The following ERBB4 variants were observed in gnomAD, a reference collection of about 807,000 sequenced individuals.
ERBB4 encodes the protein receptor tyrosine-protein kinase erbB-4.
In ERBB4, 42 loss-of-function variants were observed where a neutral mutation model predicts 158.0. The observed-to-expected ratio is 0.27, with a 90% CI of 0.21 to 0.34. The LOEUF (loss-of-function observed/expected upper bound fraction) is 0.34. Ranked by LOEUF, ERBB4 falls within the 10% of genes least tolerant of loss-of-function variation. ERBB4 has a pLI of 1.00. For synonymous variants in ERBB4, 583 were observed against 558.7 expected (o/e 1.04, Z -0.61); for missense variants, 1,333 against 1,624.1 (o/e 0.82, Z 3.08).
intron 1 of ERBB4, among the ~76,000 whole-genome samples, chr2:212,167,948 G>T (rs1575737078): frequency 6.6e-6 from 1 of 151,948 alleles, no homozygotes; most frequent in Admixed American, 6.6e-5. Context: ...GGGGTGTGGG[G>T]AATGAGGGGA....
chr2:212,298,965 TACTTTACATGATAATA>T (rs2086520939), intron 1 of ERBB4, among the ~76,000 whole-genome samples: 2 of 151,920 alleles, frequency 1.3e-5, no homozygotes, highest in South Asian at 4.1e-4. Context: ...CATTGTGAAA[TACTTTACATGATAATA>T]ATTATCATAA....
At chr2:211,771,050 A>G (rs1270721624) in intron 4 of ERBB4, among the ~76,000 whole-genome samples, 1 of 152,166 alleles carries the variant, frequency 6.6e-6, no homozygotes, top group Non-Finnish European at 1.5e-5. Flanking sequence ...TTTGCTAATC[A>G]TTTTACCATC....
intron 1 of ERBB4, among the ~76,000 whole-genome samples, chr2:212,453,529 T>C (rs1560368225): frequency 6.6e-6 from 1 of 152,210 alleles, no homozygotes. Flanking sequence ...TTTAAATATA[T>C]TGCATTGATA....
chr2:211,575,886 TTGTC>T (rs1241626141), intron 19 of ERBB4, among the ~76,000 whole-genome samples: 2 of 152,186 alleles, frequency 1.3e-5, no homozygotes, highest in South Asian at 2.1e-4. Flanking sequence ...TAGAAATCAT[TTGTC>T]TGTCATTCAC....
rs913457309 is a variant in ERBB4 at position 212,466,481 on chromosome 2, A to G, written c.82+71968T>C. On this transcript the variant is annotated intron_variant, in intron 1 of 27. Coordinates refer to ENST00000342788, the MANE Select transcript of ERBB4 (RefSeq NM_005235.3). Reference sequence around the variant, plus strand: ...GGGTCTTTCCTGTGCTGTTCTTATGATAGTGAATGGGTCTCATGAGATCTG... The same window carrying G: ...GGGTCTTTCCTGTGCTGTTCTTATGGTAGTGAATGGGTCTCATGAGATCTG... Among the ~76,000 whole-genome samples the G allele has an allele frequency of 2.0e-5, 3 of 152,208 alleles. No homozygotes were observed. In the South Asian group the frequency reaches 6.2e-4, roughly 32 times the overall value.
At chr2:211,805,511 T>C (rs1195286498) in intron 3 of ERBB4, among the ~76,000 whole-genome samples, 2 of 152,246 alleles carry the variant, frequency 1.3e-5, no homozygotes, top group Non-Finnish European at 2.9e-5. Flanking sequence ...ATTTTACCTA[T>C]GTATTACTTC....
chr2:211,438,826 C>G (rs2063911251), intron 20 of ERBB4, among the ~76,000 whole-genome samples: 1 of 152,102 alleles, frequency 6.6e-6, no homozygotes, highest in Non-Finnish European at 1.5e-5. Context: ...CAACTGCAGT[C>G]ATGATCTTCA....
chr2:211,525,184 A>T (rs905006210), intron 20 of ERBB4, among the ~76,000 whole-genome samples: 2 of 152,144 alleles, frequency 1.3e-5, no homozygotes, highest in African/African-American at 2.4e-5. Flanking sequence ...TCGGGGGCAC[A>T]TGACCTACTA....
intron 7 of ERBB4, among the ~76,000 whole-genome samples, chr2:211,714,730 A>G (rs531586109): frequency 6.6e-6 from 1 of 152,304 alleles, no homozygotes; most frequent in African/African-American, 2.4e-5. Context: ...TTATAGCCAG[A>G]ATTGCCTATC....
At chr2:212,057,425 T>C (rs369969540) in intron 2 of ERBB4, among the ~76,000 whole-genome samples, 3 of 152,124 alleles carry the variant, frequency 2.0e-5, no homozygotes, top group South Asian at 2.1e-4. Flanking sequence ...CTGCACCAAG[T>C]GGACCTAGTA....
chr2:211,744,450 A>G (rs1333225506), intron 5 of ERBB4, among the ~76,000 whole-genome samples: 2 of 152,068 alleles, frequency 1.3e-5, no homozygotes, highest in Non-Finnish European at 1.5e-5. Flanking sequence ...AAAAACAAAA[A>G]CCTTTTCTTC....
chr2:211,508,776 C>G (rs530113999), intron 20 of ERBB4, among the ~76,000 whole-genome samples: 12 of 152,088 alleles, frequency 7.9e-5, no homozygotes, highest in African/African-American at 2.9e-4. Context: ...CAGTGATAGA[C>G]TGGATAAAGA....
At chr2:211,876,354 T>G (rs1266151268) in intron 3 of ERBB4, among the ~76,000 whole-genome samples, 1 of 152,146 alleles carries the variant, frequency 6.6e-6, no homozygotes, top group African/African-American at 2.4e-5. Context: ...CCACATCCAC[T>G]TAAAGAATGG....
Position 212,323,818 on chromosome 2 carries a change from T to C in ERBB4, c.83-198915A>G, listed in dbSNP as rs1253341609. 3.8e-5 allele frequency among the ~76,000 whole-genome samples: 3 copies of C among 79,922 alleles called. 1 individual carries two copies. The highest frequency in any genetic ancestry group is 7.1e-5 in the Non-Finnish European group (2 of 28,082). The allele number at this position is 79,922 out of a possible 152,430, so 52.4% of individuals were successfully genotyped here. A position where few individuals can be genotyped will look rare whatever the true frequency, so the allele number is the denominator to read the frequency against. On this transcript the variant is annotated intron_variant, in intron 1 of 27. Transcript: ENST00000342788. ...CTTTCCCCAGAAAAATGAATATATA[T>C]GCAGATTGAAAACATTAATAAAATC...
chr2:211,524,173 A>T (rs1382858354), intron 20 of ERBB4, among the ~76,000 whole-genome samples: 1 of 152,086 alleles, frequency 6.6e-6, no homozygotes, highest in Non-Finnish European at 1.5e-5. Flanking sequence ...GCCCCACCAC[A>T]GTAGCTAGAT....
intron 2 of ERBB4, among the ~76,000 whole-genome samples, chr2:212,113,774 AT>A (rs1429745972): frequency 6.6e-6 from 1 of 151,978 alleles, no homozygotes; most frequent in Non-Finnish European, 1.5e-5. Flanking sequence ...AAGAGTGTAA[AT>A]ATATAAGCTA....
intron 1 of ERBB4, among the ~76,000 whole-genome samples, chr2:212,141,308 T>A (rs1336768835): frequency 2.0e-5 from 3 of 152,012 alleles, no homozygotes; most frequent in African/African-American, 7.2e-5. Context: ...TAGTACAATC[T>A]CAATGAGTAC....
chr2:212,180,321 A>G (rs1915743), intron 1 of ERBB4, among the ~76,000 whole-genome samples: 144,782 of 151,620 alleles, frequency 0.95, 69,176 homozygotes, highest in African/African-American at 0.97. Flanking sequence ...TTGGACAGAT[A>G]GCTGGTAAGT....
chr2:211,552,870 T>C (rs2067137946), intron 20 of ERBB4, among the ~76,000 whole-genome samples: 1 of 152,202 alleles, frequency 6.6e-6, no homozygotes, highest in East Asian at 1.9e-4. Flanking sequence ...GAATTTTTTC[T>C]TTGCTCCTCT....
Sources: allele counts gnomAD v4.1 joint callset (sites outside exome capture counted in the v4.1 genomes callset), GRCh38; gene constraint gnomAD v4.1.1; transcripts MANE v1.5; gene names NCBI Gene and HGNC (gene_info 2026-07-23, HGNC 2026-07-21).